The following SPTBN1 variants were observed in gnomAD, a reference collection of about 807,000 sequenced individuals.
SPTBN1 encodes spectrin beta, non-erythrocytic 1.
A neutral mutation model predicts 266.4 loss-of-function variants in SPTBN1; 32 were observed. The observed-to-expected ratio is 0.12, with a 90% CI of 0.09 to 0.16. The LOEUF (loss-of-function observed/expected upper bound fraction) is 0.16, where lower values mean the gene tolerates loss of function less well. Among genes scored for constraint, SPTBN1 ranks in the 10% least tolerant of loss-of-function variants. SPTBN1 has a pLI of 1.00. For synonymous variants in SPTBN1, 1,336 were observed against 1,162.2 expected, an observed-to-expected ratio of 1.15 and a Z score of -3.04; for missense variants, 2,296 against 3,067.1, an observed-to-expected ratio of 0.75 and a Z score of 5.94.
At chr2:54,572,792 G>T (rs1674178433) in intron 2 of SPTBN1, among the ~76,000 whole-genome samples, 1 of 152,188 alleles carries the variant, frequency 6.6e-6, no homozygotes, top group South Asian at 2.1e-4. Context: ...TAGCCAGTTT[G>T]ACTAGGAGTT....
At chr2:54,666,216 A>C in intron 34 of SPTBN1, 128 bp downstream of exon 34, 1 of 1,033,774 alleles carries the variant, frequency 9.7e-7, no homozygotes, top group Non-Finnish European at 1.4e-6. Flanking sequence ...TCCCCAATAA[A>C]GTGAAAAACC....
intron 2 of SPTBN1, among the ~76,000 whole-genome samples, chr2:54,569,434 T>C (rs1010475552): frequency 2.0e-5 from 3 of 152,222 alleles, no homozygotes; most frequent in African/African-American, 7.2e-5. Context: ...AGTGAAAGAA[T>C]AGTTCACGTA....
In SPTBN1 at chr2:54,551,828, C is replaced by T. The variant is rs950365110; in HGVS notation, c.148+25262C>T. Among the ~76,000 whole-genome samples the T allele has an allele frequency of 2.6e-5, 4 of 151,540 alleles. No homozygotes were observed. The East Asian group carries it at 7.7e-4, about 29-fold the overall frequency. The stretch of plus-strand genomic sequence containing the variant: ...GATAGAAAAATATCTTTTGTCCTCT[C>T]TTTTTTTTTCTTGTTATTTTGAGTC... On this transcript the variant is annotated intron_variant, in intron 2 of 35. Coordinates refer to ENST00000356805, the MANE Select transcript of SPTBN1 (RefSeq NM_003128.3).
Position 54,558,185 on chromosome 2 carries a change from G to C in SPTBN1, c.148+31619G>C. ...GTCCAGGGCCCGGCCGGGGGTCGGC[G>C]GCTGCCGGGCGGCTGGGGCGACCGC... On this transcript the variant is annotated intron_variant, in intron 2 of 35. Coordinates refer to ENST00000356805, the MANE Select transcript of SPTBN1 (RefSeq NM_003128.3). This position sits in a 1 kb window ranked among gnomAD's most constrained non-coding sequence, Gnocchi z 4.6. 1 of 985,370 alleles carries C rather than the reference G, an allele frequency of 1.0e-6. No individual in the cohort carries two copies. The highest frequency in any genetic ancestry group is 1.1e-4 in the East Asian group (1 of 8,802). 61.0% of individuals were successfully genotyped at this position (985,370 alleles called of 1,614,324 possible).
chr2:54,512,178 C>G (rs920338519), intron 1 of SPTBN1, among the ~76,000 whole-genome samples: 25 of 152,186 alleles, frequency 1.6e-4, no homozygotes, highest in African/African-American at 6.0e-4. Flanking sequence ...CGCTGCTCAC[C>G]TTCTGCTGTG....
chr2:54,553,454 C>T (rs192998326), intron 2 of SPTBN1, among the ~76,000 whole-genome samples: 1 of 152,328 alleles, frequency 6.6e-6, no homozygotes, highest in Non-Finnish European at 1.5e-5. Flanking sequence ...TTTGGAGCCG[C>T]TTCTCTATCT....
intron 2 of SPTBN1, among the ~76,000 whole-genome samples, chr2:54,594,529 C>A (rs1470488370): frequency 6.6e-6 from 1 of 151,976 alleles, no homozygotes; most frequent in East Asian, 1.9e-4. Flanking sequence ...TGAGGGAGGT[C>A]CTGGAACAAA....
chr2:54,461,588 C>G (rs1693372401), intron 1 of SPTBN1, among the ~76,000 whole-genome samples: 1 of 152,224 alleles, frequency 6.6e-6, no homozygotes, highest in African/African-American at 2.4e-5. Context: ...GTTACAGTTC[C>G]AAAGCCTTGC....
At chr2:54,655,023 T>C (rs746912318) in intron 27 of SPTBN1, 47 bp from the exon 28 acceptor site, 1 of 1,568,694 alleles carries the variant, frequency 6.4e-7, no homozygotes, top group Non-Finnish European at 8.6e-7. Context: ...TACACATTTT[T>C]TGAAAAGCTT....
chr2:54,479,603 G>T (rs939829184), intron 1 of SPTBN1, among the ~76,000 whole-genome samples: 1 of 152,172 alleles, frequency 6.6e-6, no homozygotes, highest in Non-Finnish European at 1.5e-5. Flanking sequence ...AGATAACATG[G>T]TCACTCTAGT....
Position 54,526,436 on chromosome 2 carries a change from C to T in SPTBN1, c.18C>T (p.Ala6=), listed in dbSNP as rs763859946. Residue 6 remains alanine, a synonymous_variant, in exon 2 of 36, where the codon GCC becomes GCT. Transcript: ENST00000356805. The stretch of plus-strand genomic sequence containing the variant: ...AGTTCAAGATGACGACCACAGTAGC[C>T]ACAGACTATGACAACATTGAGATCC... MTTTV[A]TDYDNIEIQQ... The T allele has an allele frequency of 1.9e-6, 3 of 1,614,126 alleles. No homozygotes were observed. The East Asian group carries it at 6.7e-5, about 36-fold the overall frequency.
chr2:54,588,934 A>AC (rs1384312651), intron 2 of SPTBN1, among the ~76,000 whole-genome samples: 1 of 152,054 alleles, frequency 6.6e-6, no homozygotes, highest in Non-Finnish European at 1.5e-5. Flanking sequence ...TTTAAAAAAT[A>AC]TTTTTAACTT....
intron 2 of SPTBN1, among the ~76,000 whole-genome samples, chr2:54,587,604 G>A (rs771094313): frequency 9.2e-5 from 14 of 152,204 alleles, no homozygotes; most frequent in Non-Finnish European, 1.9e-4. Context: ...AGGAGAAGAG[G>A]TGATGGTGTA....
At position 54,653,498 on chromosome 2, in the gene SPTBN1, A is replaced by T. The variant is rs1659557616; in HGVS notation, c.5578-111A>T. 1.3e-6 allele frequency: 2 copies of T among 1,504,348 alleles called. No individual in the cohort carries two copies. Among genetic ancestry groups the T allele is most frequent in the Non-Finnish European group, 1.8e-6 (2 of 1,133,942 alleles). 93.2% of individuals were successfully genotyped at this position (1,504,348 alleles called of 1,614,324 possible). A position where few individuals can be genotyped will look rare whatever the true frequency, so the allele number is the denominator to read the frequency against. ...GGGCTCCTTAAGGGGCATGGGCCAT[A>T]TTTTGACTCTGTGCTCCCTTTAGTG... On this transcript the variant is annotated intron_variant, in intron 26 of 35. Coordinates refer to ENST00000356805, the MANE Select transcript of SPTBN1 (RefSeq NM_003128.3). The surrounding 1 kb of genome is among the most constrained non-coding windows in gnomAD (Gnocchi z 5.1).
At chr2:54,484,056 A>G (rs1044783774) in intron 1 of SPTBN1, among the ~76,000 whole-genome samples, 10 of 152,084 alleles carry the variant, frequency 6.6e-5, no homozygotes, top group Non-Finnish European at 1.2e-4. Flanking sequence ...TTGGCTGGGC[A>G]TGGTGGTATG....
At chr2:54,541,405 T>G (rs1237368068) in intron 2 of SPTBN1, among the ~76,000 whole-genome samples, 2 of 152,202 alleles carry the variant, frequency 1.3e-5, no homozygotes, top group Non-Finnish European at 2.9e-5. Flanking sequence ...AAGACTACCT[T>G]GAGAAATACA....
intron 26 of SPTBN1, among the ~76,000 whole-genome samples, chr2:54,652,010 C>G (rs188505058): frequency 6.6e-6 from 1 of 152,166 alleles, no homozygotes; most frequent in African/African-American, 2.4e-5. Context: ...CGTACCCCCC[C>G]GCCTTTTACC....
intron 2 of SPTBN1, among the ~76,000 whole-genome samples, chr2:54,550,596 C>T (rs1041954790): frequency 6.6e-6 from 1 of 152,178 alleles, no homozygotes; most frequent in Admixed American, 6.5e-5. Context: ...CGAATAGGAA[C>T]AGAGAGTGTT....
At chr2:54,488,991 C>T (rs552163764) in intron 1 of SPTBN1, among the ~76,000 whole-genome samples, 3 of 151,930 alleles carry the variant, frequency 2.0e-5, no homozygotes, top group African/African-American at 7.2e-5. Flanking sequence ...TGGGATTTGA[C>T]ATTAAGAAAT....
Sources: gnomAD v4.1 joint callset for allele counts (sites outside exome capture counted in the v4.1 genomes callset) on GRCh38, gnomAD v4.1.1 for gene constraint, Gnocchi (gnomAD v3.1) non-coding constraint, MANE v1.5 for transcripts, NCBI Gene and HGNC (gene_info 2026-07-23, HGNC 2026-07-21) for gene names.